The following TRPM3 variants were observed in gnomAD, a reference collection of about 807,000 sequenced individuals.
TRPM3 encodes the protein transient receptor potential cation channel subfamily M member 3, also known as long transient receptor potential channel 3.
A neutral mutation model predicts 181.2 loss-of-function variants in TRPM3; 77 were observed. That is an observed-to-expected ratio of 0.42 (90% CI 0.35 to 0.51). TRPM3 has a LOEUF of 0.51. Among genes scored for constraint, TRPM3 ranks in the 20% least tolerant of loss-of-function variants. The probability of loss-of-function intolerance (pLI) is 0.01; values close to 1 mark genes in which losing one functional copy is unlikely to be tolerated. For synonymous variants in TRPM3, 745 were observed against 796.4 expected, an observed-to-expected ratio of 0.94 and a Z score of 1.09; for missense variants, 1,759 against 2,196.7, an observed-to-expected ratio of 0.80 and a Z score of 3.98.
intron 1 of TRPM3, among the ~76,000 whole-genome samples, chr9:71,199,750 G>T (rs1223026312): frequency 1.3e-5 from 2 of 148,474 alleles, no homozygotes; most frequent in Non-Finnish European, 3.0e-5. Flanking sequence ...GCGTCTATTT[G>T]ATTCTTCTCT....
intron 1 of TRPM3, among the ~76,000 whole-genome samples, chr9:71,280,491 A>G (rs138242332): frequency 1.6e-3 from 246 of 152,210 alleles, no homozygotes; most frequent in African/African-American, 5.7e-3. Flanking sequence ...GAAAAAGCCA[A>G]CAACAGCAAG....
At chr9:71,111,217 T>C (rs1670137480) in intron 1 of TRPM3, among the ~76,000 whole-genome samples, 1 of 152,200 alleles carries the variant, frequency 6.6e-6, no homozygotes, top group Non-Finnish European at 1.5e-5. Context: ...CCAGTTAATT[T>C]CCCAAATGTA....
intron 3 of TRPM3, among the ~76,000 whole-genome samples, chr9:70,847,669 A>G: frequency 8.7e-6 from 1 of 115,130 alleles, no homozygotes; most frequent in East Asian, 2.0e-4. Context: ...AAAATTAAAT[A>G]AGCCTGATGC....
At chr9:70,888,616 T>G (rs2132807155) in intron 1 of TRPM3, among the ~76,000 whole-genome samples, 1 of 152,244 alleles carries the variant, frequency 6.6e-6, no homozygotes, top group Non-Finnish European at 1.5e-5. Context: ...TTTGTAAAAA[T>G]TTCAGATTGA....
intron 6 of TRPM3, among the ~76,000 whole-genome samples, chr9:70,821,384 G>A (rs1172639047): frequency 2.0e-5 from 3 of 152,064 alleles, no homozygotes; most frequent in Non-Finnish European, 4.4e-5. Context: ...GCTGTAGGGT[G>A]GCTATAATAA....
chr9:71,131,160 C>T (rs1426987314), intron 1 of TRPM3, among the ~76,000 whole-genome samples: 1 of 152,194 alleles, frequency 6.6e-6, no homozygotes, highest in African/African-American at 2.4e-5. Context: ...TCATGCCTAA[C>T]CACTTTTATT....
intron 1 of TRPM3, among the ~76,000 whole-genome samples, chr9:71,176,317 C>T (rs2077105648): frequency 6.6e-6 from 1 of 152,052 alleles, no homozygotes; most frequent in African/African-American, 2.4e-5. Flanking sequence ...ATTGATGATC[C>T]TGACCCTGTG....
In TRPM3 at chr9:70,536,367, T is replaced by C; in HGVS notation, c.4746A>G (p.Gly1582=). 1 of 1,614,080 alleles carries C rather than the reference T, an allele frequency of 6.2e-7. No individual in the cohort carries two copies. Among genetic ancestry groups the C allele is most frequent in the Non-Finnish European group, 8.5e-7 (1 of 1,179,992 alleles). The change falls in exon 26 of 26, where the codon GGA becomes GGG. Residue 1582 remains glycine (G), a synonymous_variant. Coordinates refer to ENST00000677713, the MANE Select transcript of TRPM3 (RefSeq NM_001366145.2). ...AGTCCTCCACTTTGTCTCCAAGACCTCCAGGGAAGGCAGCTCTGTCCGCAA... is the reference window on the plus strand; with the variant it reads ...AGTCCTCCACTTTGTCTCCAAGACCCCCAGGGAAGGCAGCTCTGTCCGCAA... ...QAIADRAAFP[G]GLGDKVEDLT...
intron 1 of TRPM3, among the ~76,000 whole-genome samples, chr9:71,026,809 G>C (rs1285147160): frequency 6.6e-6 from 1 of 152,214 alleles, no homozygotes; most frequent in Non-Finnish European, 1.5e-5. Context: ...GTGCCCATCA[G>C]TGTCCCGCCA....
chr9:70,816,590 A>T (rs1466940218), intron 6 of TRPM3, among the ~76,000 whole-genome samples: 1 of 152,224 alleles, frequency 6.6e-6, no homozygotes, highest in African/African-American at 2.4e-5. Context: ...GCATGTGTAG[A>T]TGACATTAGA....
chr9:71,273,882 C>T (rs2083989725), intron 1 of TRPM3, among the ~76,000 whole-genome samples: 1 of 152,206 alleles, frequency 6.6e-6, no homozygotes, highest in Non-Finnish European at 1.5e-5. Flanking sequence ...TTATATTCTG[C>T]ACAGTGCTCC....
At chr9:70,796,989 G>T (rs1033152784) in intron 6 of TRPM3, among the ~76,000 whole-genome samples, 8 of 152,098 alleles carry the variant, frequency 5.3e-5, no homozygotes, top group African/African-American at 1.7e-4. Context: ...AGTTAGCTGG[G>T]CATGGTGGTA....
chr9:71,089,057 C>T (rs2065746942), intron 1 of TRPM3, among the ~76,000 whole-genome samples: 1 of 148,608 alleles, frequency 6.7e-6, no homozygotes, highest in South Asian at 2.1e-4. Flanking sequence ...ACCTCAAATA[C>T]CAAGCCAAGC....
chr9:70,968,363 A>G (rs2097206257), intron 1 of TRPM3, among the ~76,000 whole-genome samples: 1 of 152,154 alleles, frequency 6.6e-6, no homozygotes, highest in Non-Finnish European at 1.5e-5. Context: ...CCCGGAACAG[A>G]CTGCATCAAA....
intron 1 of TRPM3, among the ~76,000 whole-genome samples, chr9:71,022,169 A>G (rs1350633842): frequency 6.6e-6 from 1 of 152,198 alleles, no homozygotes; most frequent in African/African-American, 2.4e-5. Context: ...AATCAGGAAA[A>G]TATGATGTCA....
chr9:70,922,730 G>C (rs370085624), intron 1 of TRPM3, among the ~76,000 whole-genome samples: 1 of 152,092 alleles, frequency 6.6e-6, no homozygotes, highest in African/African-American at 2.4e-5. Context: ...CAAAGAATTG[G>C]AAAGAGAAAG....
At chr9:70,571,244 G>A (rs2052249578) in intron 22 of TRPM3, among the ~76,000 whole-genome samples, 1 of 152,196 alleles carries the variant, frequency 6.6e-6, no homozygotes, top group Non-Finnish European at 1.5e-5. Flanking sequence ...TTTACTAGCT[G>A]TGTAACCTTT....
intron 1 of TRPM3, among the ~76,000 whole-genome samples, chr9:71,314,240 A>AG (rs1192251280): frequency 6.6e-6 from 1 of 152,138 alleles, no homozygotes; most frequent in African/African-American, 2.4e-5. Context: ...TATACCTGTG[A>AG]TAAATACACC....
intron 1 of TRPM3, among the ~76,000 whole-genome samples, chr9:71,021,113 AG>A (rs1248024697): frequency 6.6e-6 from 1 of 152,206 alleles, no homozygotes; most frequent in African/African-American, 2.4e-5. Flanking sequence ...GTTAAGTAAA[AG>A]AATCCAGACC....
Sources: allele counts gnomAD v4.1 joint callset (sites outside exome capture counted in the v4.1 genomes callset), GRCh38; gene constraint gnomAD v4.1.1; transcripts MANE v1.5; gene names NCBI Gene and HGNC (gene_info 2026-07-23, HGNC 2026-07-21).